TTC3: variants seen among roughly 807,000 people sequenced by gnomAD.
The protein encoded by TTC3 is E3 ubiquitin-protein ligase TTC3.
A neutral mutation model predicts 249.6 loss-of-function variants in TTC3; 180 were observed. The observed-to-expected ratio is 0.72, with a 90% CI of 0.64 to 0.82. The LOEUF (loss-of-function observed/expected upper bound fraction) is 0.82. Among genes scored for constraint, TTC3 ranks in the 40% least tolerant of loss-of-function variants. TTC3 has a pLI of 0.00. For synonymous variants in TTC3, 717 were observed against 805.0 expected (o/e 0.89, Z 1.85); for missense variants, 2,061 against 2,398.4 (o/e 0.86, Z 2.94).
intron 44 of TTC3, 111 bp downstream of exon 44, chr21:37,198,136 C>A: frequency 3.1e-6 from 4 of 1,293,720 alleles, no homozygotes; most frequent in Non-Finnish European, 3.1e-6. Context: ...TTGATCCCAA[C>A]ATTAGAAACT....
chr21:37,091,213 C>A, intron 6 of TTC3, 80 bp from the exon 7 acceptor site: 1 of 1,457,770 alleles, frequency 6.9e-7, no homozygotes, highest in Non-Finnish European at 9.4e-7. Flanking sequence ...GAAATACTTG[C>A]ATAAGATGAA....
At chr21:37,197,340 A>G (rs1460842114) in intron 42 of TTC3, among the ~76,000 whole-genome samples, 1 of 151,732 alleles carries the variant, frequency 6.6e-6, no homozygotes, top group Non-Finnish European at 1.5e-5. Context: ...GTGAGCAGGG[A>G]TCGCGCCACT....
At chr21:37,153,067 G>A in exon 27 of TTC3, 2 of 1,613,844 alleles carry the variant, frequency 1.2e-6, no homozygotes, top group South Asian at 2.2e-5. Context: ...GCTTCTCAAA[G>A]AATTGCTTTC....
intron 12 of TTC3, among the ~76,000 whole-genome samples, chr21:37,122,421 T>TATATATATATATATTATATATATATATA (rs1407068030): frequency 1.4e-3 from 50 of 36,538 alleles, no homozygotes; most frequent in African/African-American, 4.0e-3. Flanking sequence ...ATATATATAA[T>TATATATATATATATTATATATATATATA]ATATATATAT....
At chr21:37,118,531 A>C (rs1403114954) in intron 11 of TTC3, among the ~76,000 whole-genome samples, 1 of 152,222 alleles carries the variant, frequency 6.6e-6, no homozygotes, top group East Asian at 1.9e-4. Flanking sequence ...GTCCTCAAGA[A>C]CATTTAAATT....
At chr21:37,092,910 A>T (rs2073458656) in intron 7 of TTC3, among the ~76,000 whole-genome samples, 1 of 152,164 alleles carries the variant, frequency 6.6e-6, no homozygotes, top group African/African-American at 2.4e-5. Context: ...AGTTTATTAA[A>T]TTTTTATAAT....
intron 7 of TTC3, among the ~76,000 whole-genome samples, chr21:37,093,729 TAATA>T (rs781248083): frequency 2.7e-4 from 41 of 152,236 alleles, no homozygotes; most frequent in Non-Finnish European, 4.0e-4. Context: ...ACTAATATAA[TAATA>T]AATAAAGGTT....
At chr21:37,089,260 CT>C (rs1365527485) in intron 5 of TTC3, among the ~76,000 whole-genome samples, 1 of 152,150 alleles carries the variant, frequency 6.6e-6, no homozygotes, top group Non-Finnish European at 1.5e-5. Flanking sequence ...GGTAGGTAGA[CT>C]TTATCAGGGC....
chr21:37,175,263 C>CAAA (rs58424565), intron 35 of TTC3, among the ~76,000 whole-genome samples: 4 of 54,006 alleles, frequency 7.4e-5, no homozygotes, highest in Non-Finnish European at 1.5e-4. Context: ...GACTGTGTCT[C>CAAA]AAAAAAAAAA....
intron 10 of TTC3, among the ~76,000 whole-genome samples, chr21:37,102,072 T>C (rs1489605145): frequency 6.6e-6 from 1 of 152,030 alleles, no homozygotes; most frequent in South Asian, 2.1e-4. Flanking sequence ...GGTTCAAATA[T>C]ATCTGTAGGA....
chr21:37,117,720 A>C (rs1288132411), intron 11 of TTC3, among the ~76,000 whole-genome samples: 8 of 151,840 alleles, frequency 5.3e-5, no homozygotes, highest in Non-Finnish European at 1.2e-4. Flanking sequence ...TTTACAAAAA[A>C]TTAGTTGGGC....
chr21:37,165,415 T>C (rs1335079158), intron 32 of TTC3, 135 bp from the exon 33 acceptor site: 7 of 652,226 alleles, frequency 1.1e-5, no homozygotes, highest in East Asian at 2.6e-5. Context: ...GTTTGTTATA[T>C]TTGTTGTTGA....
intron 10 of TTC3, among the ~76,000 whole-genome samples, chr21:37,097,436 A>G (rs1033176302): frequency 2.0e-5 from 3 of 152,216 alleles, no homozygotes; most frequent in African/African-American, 7.2e-5. Flanking sequence ...AACAAACCAG[A>G]AAACGAAGTT....
At chr21:37,151,830 G>T in intron 25 of TTC3, 63 bp from the exon 26 acceptor site, 1 of 1,460,982 alleles carries the variant, frequency 6.8e-7, no homozygotes, top group South Asian at 1.6e-5. Context: ...TTGGAAGATG[G>T]TTTCTACGAT....
chr21:37,073,443 G>A (rs1601145705), intron 1 of TTC3: 1 of 986,660 alleles, frequency 1.0e-6, no homozygotes, highest in East Asian at 1.1e-4. Context: ...CGGGGGAGCG[G>A]GGCCTTCCAC....
At chr21:37,090,370 C>T in intron 6 of TTC3, 84 bp downstream of exon 6, 5 of 1,250,908 alleles carry the variant, frequency 4.0e-6, no homozygotes, top group Non-Finnish European at 5.8e-6. Context: ...GCATTGGGTC[C>T]ATACACTCAA....
intron 8 of TTC3, 57 bp from the exon 9 acceptor site, chr21:37,095,293 G>T: frequency 8.9e-7 from 1 of 1,129,012 alleles, no homozygotes; most frequent in Non-Finnish European, 1.3e-6. Flanking sequence ...CTAGGTATTG[G>T]GTTCTTGATG....
Position 37,160,744 on chromosome 21 carries a change from G to A in TTC3, c.3040-58G>A, listed in dbSNP as rs373044011. The A allele has an allele frequency of 1.0e-5, 16 of 1,561,830 alleles. 2 individuals are homozygous for A. The Admixed American group carries it at 1.0e-4, about 10-fold the overall frequency. On this transcript the variant is annotated intron_variant, in intron 29 of 45. Transcript: ENST00000355666. ...GTAAAAACTCATATGGTTTCTTTAT[G>A]TTGAGCTTCATAATGCTGTTATTTG...
intron 14 of TTC3, 64 bp from the exon 15 acceptor site, chr21:37,126,016 C>A: frequency 1.4e-6 from 2 of 1,445,528 alleles, no homozygotes; most frequent in Non-Finnish European, 1.9e-6. Context: ...TTTTATATAG[C>A]TATTGAATTC....
Sources: allele counts gnomAD v4.1 joint callset (sites outside exome capture counted in the v4.1 genomes callset), GRCh38; gene constraint gnomAD v4.1.1; transcripts MANE v1.5; gene names NCBI Gene and HGNC (gene_info 2026-07-23, HGNC 2026-07-21).